The following ARL15 variants were observed in gnomAD, a reference collection of about 807,000 sequenced individuals.
The protein encoded by ARL15 is ARF like GTPase 15.
ARL15 carries 19 observed loss-of-function variants against 25.2 expected under a neutral mutation model. The ratio of observed to expected loss-of-function variants is 0.75; its 90% confidence interval spans 0.53 to 1.10. The LOEUF (loss-of-function observed/expected upper bound fraction) is 1.10. Ranked by LOEUF, ARL15 falls within the 50% of genes least tolerant of loss-of-function variation. The pLI is 0.00. For synonymous variants in ARL15, 94 were observed against 86.8 expected, an observed-to-expected ratio of 1.08 and a Z score of -0.46; for missense variants, 220 against 246.0, an observed-to-expected ratio of 0.89 and a Z score of 0.71.
intron 4 of ARL15, among the ~76,000 whole-genome samples, chr5:54,091,555 C>T (rs1218568081): frequency 6.6e-6 from 1 of 152,130 alleles, no homozygotes; most frequent in Non-Finnish European, 1.5e-5. Flanking sequence ...AGACTGTCTG[C>T]AGAGCATCTG....
At chr5:54,028,401 G>C (rs369450743) in intron 4 of ARL15, among the ~76,000 whole-genome samples, 60 of 151,760 alleles carry the variant, frequency 4.0e-4, no homozygotes, top group South Asian at 2.9e-3. Flanking sequence ...AGCCTCAAAA[G>C]CTCTTTCACT....
intron 4 of ARL15, among the ~76,000 whole-genome samples, chr5:53,945,677 G>A (rs1746702145): frequency 1.3e-5 from 2 of 151,966 alleles, no homozygotes; most frequent in African/African-American, 4.8e-5. Flanking sequence ...AAAACAAAAA[G>A]GTTTATATAA....
chr5:54,032,915 T>G (rs1750037374), intron 4 of ARL15, among the ~76,000 whole-genome samples: 1 of 152,112 alleles, frequency 6.6e-6, no homozygotes, highest in African/African-American at 2.4e-5. Context: ...AAATGTTGGT[T>G]AATGTTTTAC....
chr5:53,965,553 T>G (rs546203019), intron 4 of ARL15, among the ~76,000 whole-genome samples: 1 of 152,048 alleles, frequency 6.6e-6, no homozygotes, highest in Non-Finnish European at 1.5e-5. Context: ...CAGAAGAGAG[T>G]TGGGCTTTTG....
chr5:53,909,278 T>C (rs914306266), intron 4 of ARL15, among the ~76,000 whole-genome samples: 1 of 152,212 alleles, frequency 6.6e-6, no homozygotes, highest in Non-Finnish European at 1.5e-5. Context: ...ATCAAACTGA[T>C]AACACTGGAT....
intron 4 of ARL15, among the ~76,000 whole-genome samples, chr5:54,014,312 C>T (rs1167615977): frequency 6.6e-6 from 1 of 152,124 alleles, no homozygotes; most frequent in Non-Finnish European, 1.5e-5. Context: ...AGGAGAACAA[C>T]TGTTTTTCTT....
chr5:54,201,656 C>T (rs1755727973), intron 1 of ARL15, among the ~76,000 whole-genome samples: 1 of 152,198 alleles, frequency 6.6e-6, no homozygotes, highest in African/African-American at 2.4e-5. Context: ...TGCTCTTTGG[C>T]TATGAATTCC....
intron 1 of ARL15, among the ~76,000 whole-genome samples, chr5:54,198,377 A>C (rs1229737464): frequency 6.6e-6 from 1 of 151,870 alleles, no homozygotes. Context: ...CAGACGACAC[A>C]ATTGGATATC....
chr5:53,921,108 A>T (rs1475519511), intron 4 of ARL15, among the ~76,000 whole-genome samples: 3 of 152,220 alleles, frequency 2.0e-5, no homozygotes, highest in African/African-American at 7.2e-5. Flanking sequence ...TGTAAGCTTT[A>T]TAGCAACTGT....
intron 4 of ARL15, among the ~76,000 whole-genome samples, chr5:54,038,190 T>C (rs1055121654): frequency 1.3e-5 from 2 of 152,282 alleles, no homozygotes; most frequent in Non-Finnish European, 2.9e-5. Flanking sequence ...TGCTTATTTA[T>C]ACCTTGCTTA....
chr5:53,921,245 C>T (rs1398194196), intron 4 of ARL15, among the ~76,000 whole-genome samples: 1 of 152,110 alleles, frequency 6.6e-6, no homozygotes, highest in Non-Finnish European at 1.5e-5. Context: ...TGTTCAAGAG[C>T]AAGCAGCTAA....
intron 1 of ARL15, among the ~76,000 whole-genome samples, chr5:54,195,948 T>C (rs907091914): frequency 1.7e-4 from 26 of 152,154 alleles, no homozygotes; most frequent in African/African-American, 5.5e-4. Flanking sequence ...CCCTTCCAAA[T>C]AGCAGAAAAG....
At chr5:54,229,410 C>A (rs1756609150) in intron 1 of ARL15, among the ~76,000 whole-genome samples, 1 of 152,074 alleles carries the variant, frequency 6.6e-6, no homozygotes, top group African/African-American at 2.4e-5. Flanking sequence ...CCTTCGGGTA[C>A]CTGCATCAGA....
intron 1 of ARL15, among the ~76,000 whole-genome samples, chr5:54,196,738 T>C (rs759024457): frequency 3.9e-5 from 6 of 152,166 alleles, no homozygotes; most frequent in Non-Finnish European, 7.3e-5. Context: ...ATTATTAAAA[T>C]ATAAAACTGT....
At chr5:54,095,433 T>C (rs1752256255) in intron 4 of ARL15, among the ~76,000 whole-genome samples, 1 of 152,150 alleles carries the variant, frequency 6.6e-6, no homozygotes, top group Non-Finnish European at 1.5e-5. Context: ...TCCTTTTCCC[T>C]TCTCATCTCT....
chr5:53,960,714 G>T (rs1747334459), intron 4 of ARL15, among the ~76,000 whole-genome samples: 1 of 152,200 alleles, frequency 6.6e-6, no homozygotes, highest in Non-Finnish European at 1.5e-5. Context: ...CCTCTTTGTG[G>T]AGGTGAGGGT....
At chr5:53,890,061 C>T (rs1225422681) in intron 4 of ARL15, among the ~76,000 whole-genome samples, 1 of 152,154 alleles carries the variant, frequency 6.6e-6, no homozygotes, top group Non-Finnish European at 1.5e-5. Flanking sequence ...AATCTGCCCA[C>T]CTTGGCCTCC....
chr5:54,134,256 G>T (rs2112286962), intron 3 of ARL15, among the ~76,000 whole-genome samples: 1 of 152,256 alleles, frequency 6.6e-6, no homozygotes, highest in East Asian at 1.9e-4. Flanking sequence ...GGTACATTTG[G>T]GGAATACCAT....
At chr5:54,033,831 T>C (rs932936503) in intron 4 of ARL15, among the ~76,000 whole-genome samples, 1 of 152,218 alleles carries the variant, frequency 6.6e-6, no homozygotes, top group Non-Finnish European at 1.5e-5. Context: ...TCTTTTTTAT[T>C]GAGACAGAGT....
Sources: allele counts gnomAD v4.1 joint callset (sites outside exome capture counted in the v4.1 genomes callset), GRCh38; gene constraint gnomAD v4.1.1; transcripts MANE v1.5; gene names NCBI Gene and HGNC (gene_info 2026-07-23, HGNC 2026-07-21).